GPC6: variants seen among roughly 807,000 people sequenced by gnomAD.
GPC6 encodes glypican 6.
A neutral mutation model predicts 55.2 loss-of-function variants in GPC6; 14 were observed. That is an observed-to-expected ratio of 0.25 (90% CI 0.17 to 0.40). The LOEUF (loss-of-function observed/expected upper bound fraction) is 0.40. Ranked by LOEUF, GPC6 falls within the 10% of genes least tolerant of loss-of-function variation. GPC6 has a pLI of 1.00. For synonymous variants in GPC6, 278 were observed against 259.6 expected, an observed-to-expected ratio of 1.07 and a Z score of -0.68; for missense variants, 641 against 708.5, an observed-to-expected ratio of 0.90 and a Z score of 1.08.
chr13:94,394,539 G>T (rs1222307018), intron 7 of GPC6, among the ~76,000 whole-genome samples: 1 of 152,178 alleles, frequency 6.6e-6, no homozygotes, highest in African/African-American at 2.4e-5. Flanking sequence ...CAGGACAGGA[G>T]TGTTATGTAA....
intron 4 of GPC6, among the ~76,000 whole-genome samples, chr13:94,034,846 G>A (rs1012485480): frequency 4.6e-5 from 7 of 151,582 alleles, no homozygotes; most frequent in African/African-American, 4.8e-5. Context: ...CATACCTATT[G>A]TGCAACTAAA....
At chr13:94,175,667 G>A (rs1250576468) in intron 4 of GPC6, among the ~76,000 whole-genome samples, 3 of 151,822 alleles carry the variant, frequency 2.0e-5, no homozygotes, top group Non-Finnish European at 4.4e-5. Flanking sequence ...CTAATATTTA[G>A]TATAGCTGGT....
intron 4 of GPC6, among the ~76,000 whole-genome samples, chr13:94,269,579 C>T (rs1290742189): frequency 2.6e-5 from 4 of 152,182 alleles, no homozygotes; most frequent in African/African-American, 4.8e-5. Flanking sequence ...TGTCCCAACC[C>T]ACACAGCTTG....
chr13:93,267,390 A>G (rs990334782), intron 1 of GPC6, among the ~76,000 whole-genome samples: 3 of 136,836 alleles, frequency 2.2e-5, no homozygotes, highest in Non-Finnish European at 4.8e-5. Flanking sequence ...TCCACAGGAG[A>G]GGGTTTTTTT....
intron 3 of GPC6, among the ~76,000 whole-genome samples, chr13:93,877,246 A>G (rs1874644888): frequency 6.6e-6 from 1 of 152,028 alleles, no homozygotes; most frequent in African/African-American, 2.4e-5. Flanking sequence ...GATACGGCCT[A>G]TTTTACAGTT....
chr13:93,579,166 G>A (rs1205067204), intron 2 of GPC6, among the ~76,000 whole-genome samples: 4 of 152,012 alleles, frequency 2.6e-5, no homozygotes, highest in African/African-American at 2.4e-5. Context: ...GAAATAAGAC[G>A]TGGTGTTTGA....
chr13:93,721,932 A>G (rs1426801008), intron 2 of GPC6, among the ~76,000 whole-genome samples: 8 of 151,844 alleles, frequency 5.3e-5, no homozygotes, highest in Non-Finnish European at 1.0e-4. Context: ...ATATTAGAAT[A>G]TGCATTTGCT....
chr13:93,983,880 A>G (rs775224136), intron 3 of GPC6, among the ~76,000 whole-genome samples: 7 of 151,824 alleles, frequency 4.6e-5, no homozygotes, highest in Non-Finnish European at 1.0e-4. Context: ...CTTGCCTCAT[A>G]TGAACTAGAA....
chr13:93,954,248 CAT>C, intron 3 of GPC6, among the ~76,000 whole-genome samples: 1 of 152,294 alleles, frequency 6.6e-6, no homozygotes, highest in East Asian at 1.9e-4. Context: ...AATCTGAAAA[CAT>C]AGCAAAAGTG....
intron 3 of GPC6, among the ~76,000 whole-genome samples, chr13:94,008,759 C>A (rs186402979): frequency 6.6e-6 from 1 of 152,242 alleles, no homozygotes; most frequent in East Asian, 1.9e-4. Flanking sequence ...TTTCAATGAA[C>A]TAAAGATCTA....
chr13:94,342,763 G>A (rs1878105970), intron 6 of GPC6, among the ~76,000 whole-genome samples: 1 of 152,106 alleles, frequency 6.6e-6, no homozygotes, highest in African/African-American at 2.4e-5. Flanking sequence ...TTTATCAGGA[G>A]GTTGCCTCCT....
chr13:93,848,555 A>G (rs555154008), intron 3 of GPC6, among the ~76,000 whole-genome samples: 1 of 152,096 alleles, frequency 6.6e-6, no homozygotes. Flanking sequence ...TGTCCTGTTT[A>G]CAAGTCCTGG....
At chr13:93,390,778 TC>T (rs1875598335) in intron 1 of GPC6, among the ~76,000 whole-genome samples, 1 of 152,044 alleles carries the variant, frequency 6.6e-6, no homozygotes, top group Admixed American at 6.6e-5. Context: ...AGTTTTTTTT[TC>T]TTTTTGTTTA....
intron 6 of GPC6, among the ~76,000 whole-genome samples, chr13:94,333,689 G>T (rs554001339): frequency 6.6e-6 from 1 of 152,298 alleles, no homozygotes; most frequent in African/African-American, 2.4e-5. Context: ...GGAAACTGAG[G>T]TCCATGGAAG....
intron 4 of GPC6, among the ~76,000 whole-genome samples, chr13:94,081,855 T>C (rs1025936893): frequency 1.3e-5 from 2 of 150,950 alleles, no homozygotes; most frequent in Non-Finnish European, 3.0e-5. Context: ...TTTTTTTTTT[T>C]TTTGAGACAC....
Position 94,332,024 on chromosome 13 carries a change from T to C in GPC6, c.1152+25901T>C, listed in dbSNP as rs192883449. On this transcript the variant is annotated intron_variant, in intron 6 of 8. Coordinates refer to ENST00000377047, the MANE Select transcript of GPC6 (RefSeq NM_005708.5). ...TCTGAGTCTCAGTCATTGCAAACTA[T>C]GAGGCAGTAATGCTTTGTGCAACAG... is the stretch of plus-strand genomic sequence containing the variant. 2.4e-4 allele frequency among the ~76,000 whole-genome samples: 36 copies of C among 152,312 alleles called. 1 individual carries two copies. In the East Asian group the frequency reaches 6.9e-3, roughly 29 times the overall value.
Position 93,964,895 on chromosome 13 carries a change from ATGT to A in GPC6, c.712-62830_712-62828del, listed in dbSNP as rs554813081. On this transcript the variant is annotated intron_variant, in intron 3 of 8. Coordinates refer to ENST00000377047, the MANE Select transcript of GPC6 (RefSeq NM_005708.5). ...GCTGACTTCTACATGGGAATAAAAA[ATGT>A]TGTAGCATTCTACACATTGCAGAAA... is the stretch of plus-strand genomic sequence containing the variant. 2.1e-3 allele frequency among the ~76,000 whole-genome samples: 321 copies of A among 152,304 alleles called. 1 individual carries two copies. Among genetic ancestry groups the A allele is most frequent in the African/African-American group, 7.4e-3 (308 of 41,572 alleles).
At chr13:93,987,536 T>C (rs990824231) in intron 3 of GPC6, among the ~76,000 whole-genome samples, 2 of 152,246 alleles carry the variant, frequency 1.3e-5, no homozygotes, top group Non-Finnish European at 2.9e-5. Flanking sequence ...TGACTGTGAC[T>C]ATGAAAATAT....
chr13:94,402,869 A>G, intron 8 of GPC6, 146 bp from the exon 9 acceptor site: 1 of 764,176 alleles, frequency 1.3e-6, no homozygotes, highest in South Asian at 1.4e-5. Context: ...GGGGGAAACC[A>G]CCACCATGAT....
Sources: gnomAD v4.1 joint callset for allele counts (sites outside exome capture counted in the v4.1 genomes callset) on GRCh38, gnomAD v4.1.1 for gene constraint, MANE v1.5 for transcripts, NCBI Gene and HGNC (gene_info 2026-07-23, HGNC 2026-07-21) for gene names.